The following MTMR10 variants were observed in gnomAD, a reference collection of about 807,000 sequenced individuals.
MTMR10 encodes the protein myotubularin-related protein 10.
A neutral mutation model predicts 88.1 loss-of-function variants in MTMR10; 56 were observed. That is an observed-to-expected ratio of 0.64 (90% CI 0.51 to 0.79). MTMR10 has a LOEUF of 0.79. Among genes scored for constraint, MTMR10 ranks in the 30% least tolerant of loss-of-function variants. MTMR10 has a pLI of 0.00. For missense variants in MTMR10, 883 were observed against 924.7 expected (o/e 0.95, Z 0.58); for synonymous variants, 380 against 340.9 (o/e 1.11, Z -1.26).
chr15:30,989,197 G>A (rs934598360), intron 2 of MTMR10, among the ~76,000 whole-genome samples: 3 of 151,900 alleles, frequency 2.0e-5, no homozygotes, highest in Admixed American at 6.6e-5. Flanking sequence ...CTGTTTCCTC[G>A]TCCCTGCATT....
At chr15:30,976,675 T>C in intron 3 of MTMR10, 144 bp downstream of exon 3, 1 of 984,962 alleles carries the variant, frequency 1.0e-6, no homozygotes, top group African/African-American at 1.7e-5. Context: ...AAACTTTACT[T>C]TAAATCTTAA....
chr15:30,923,690 C>T, the MTMR10 span, among the ~76,000 whole-genome samples: 2 of 152,234 alleles, frequency 1.3e-5, no homozygotes, highest in Non-Finnish European at 2.9e-5. Context: ...CTGCCCGGCA[C>T]CGTCTTCTGC....
Position 30,939,511 on chromosome 15 carries a change from T to C in MTMR10, c.*1959A>G, listed in dbSNP as rs1037633809. 3 of 982,108 alleles carry C rather than the reference T, an allele frequency of 3.1e-6. No homozygotes were observed. The South Asian group carries it at 1.4e-4, about 46-fold the overall frequency. The allele number at this position is 982,108 out of a possible 1,614,324, so 60.8% of individuals were successfully genotyped here. ...ACAATAAACTGTAGCACAATAATCA[T>C]GATATAACAACTGTCCAGCAAAAAT... On this transcript the variant is annotated 3_prime_UTR_variant, in exon 16 of 16. Coordinates refer to ENST00000435680, the MANE Select transcript of MTMR10 (RefSeq NM_017762.3).
chr15:30,957,483 T>C (rs1486140779), intron 9 of MTMR10, among the ~76,000 whole-genome samples: 3 of 152,088 alleles, frequency 2.0e-5, no homozygotes, highest in African/African-American at 2.4e-5. Context: ...AGCACTTCGG[T>C]AGGCCGAGGC....
At chr15:30,991,372 G>C in intron 1 of MTMR10, 75 bp downstream of exon 1, 1 of 1,361,626 alleles carries the variant, frequency 7.3e-7, no homozygotes, top group Non-Finnish European at 9.7e-7. Context: ...GGGTCCTCCA[G>C]TTCCCGGGGG....
At chr15:30,928,853 C>CT in the MTMR10 span, 3 of 917,608 alleles carry the variant, frequency 3.3e-6, no homozygotes, top group Non-Finnish European at 3.9e-6. Context: ...AAGTTTTAAA[C>CT]TTTAATTTAG....
the MTMR10 span, chr15:30,927,655 G>A: frequency 4.1e-6 from 4 of 985,512 alleles, no homozygotes; most frequent in East Asian, 2.3e-4. Context: ...GCCAGTACTG[G>A]CATGTCAGGA....
chr15:30,935,995 T>C (rs987864797), downstream of MTMR10, among the ~76,000 whole-genome samples: 1 of 152,148 alleles, frequency 6.6e-6, no homozygotes, highest in Non-Finnish European at 1.5e-5. Flanking sequence ...ATTTGGAAAA[T>C]TTTTGGCCAT....
At chr15:30,943,198 G>A (rs1229758608) in intron 14 of MTMR10, 126 bp from the exon 15 acceptor site, 28 of 1,413,930 alleles carry the variant, frequency 2.0e-5, no homozygotes, top group Non-Finnish European at 2.6e-5. Flanking sequence ...ACCCACCAGA[G>A]TGGCACTTTC....
At chr15:30,990,955 A>T (rs1483264452) in intron 1 of MTMR10, 118 bp from the exon 2 acceptor site, 5 of 819,220 alleles carry the variant, frequency 6.1e-6, no homozygotes, top group Non-Finnish European at 9.5e-6. Flanking sequence ...CCCCCCATTT[A>T]AATTCTTTCG....
chr15:30,971,607 A>G (rs2063538782), intron 5 of MTMR10, among the ~76,000 whole-genome samples: 1 of 152,204 alleles, frequency 6.6e-6, no homozygotes, highest in Non-Finnish European at 1.5e-5. Flanking sequence ...CACTAATCAG[A>G]GAACAAAGTG....
the MTMR10 span, chr15:30,927,589 C>T: frequency 1.7e-4 from 169 of 985,436 alleles, no homozygotes; most frequent in Non-Finnish European, 2.0e-4. Context: ...TGTGGTACCA[C>T]GCAGATGGGT....
chr15:30,948,562 T>C, intron 12 of MTMR10, 91 bp from the exon 13 acceptor site: 1 of 1,319,240 alleles, frequency 7.6e-7, no homozygotes. Context: ...TTTAGTATTC[T>C]GCACACCTAG....
intron 5 of MTMR10, among the ~76,000 whole-genome samples, chr15:30,970,456 T>A (rs1225433167): frequency 6.6e-6 from 1 of 152,152 alleles, no homozygotes; most frequent in African/African-American, 2.4e-5. Flanking sequence ...TGAGTAAAGA[T>A]CTGAAGATGT....
At chr15:30,934,303 TTTATC>T (rs2062794510), downstream of MTMR10, among the ~76,000 whole-genome samples, 1 of 152,158 alleles carries the variant, frequency 6.6e-6, no homozygotes, top group Admixed American at 6.5e-5. Context: ...TTTGACCTGT[TTTATC>T]TTATTTTTAA....
At chr15:30,978,256 T>C (rs949079497) in intron 2 of MTMR10, among the ~76,000 whole-genome samples, 1 of 152,242 alleles carries the variant, frequency 6.6e-6, no homozygotes, top group African/African-American at 2.4e-5. Context: ...ATTTTTAAAT[T>C]AATGCCTGCA....
chr15:30,946,671 T>A, intron 14 of MTMR10: 1 of 695,402 alleles, frequency 1.4e-6, no homozygotes, highest in East Asian at 2.7e-5. Flanking sequence ...CAAGTTTGGC[T>A]TGAGACCCTG....
At chr15:30,943,226 G>A (rs1462615205) in intron 14 of MTMR10, 154 bp from the exon 15 acceptor site, 4 of 1,383,330 alleles carry the variant, frequency 2.9e-6, no homozygotes, top group African/African-American at 1.5e-5. Flanking sequence ...GAGAGGAGAC[G>A]CTCCTGGCCT....
chr15:30,960,750 T>C (rs2063390535), intron 7 of MTMR10, 131 bp downstream of exon 7: 1 of 1,183,474 alleles, frequency 8.4e-7, no homozygotes. Context: ...ATAAAATATT[T>C]ATTAAAACAT....
Sources: allele counts gnomAD v4.1 joint callset (sites outside exome capture counted in the v4.1 genomes callset), GRCh38; gene constraint gnomAD v4.1.1; transcripts MANE v1.5; gene names NCBI Gene and HGNC (gene_info 2026-07-23, HGNC 2026-07-21).